OTOGL: variants seen among roughly 807,000 people sequenced by gnomAD.
OTOGL encodes otogelin like, also known as otogelin-like protein.
A neutral mutation model predicts 318.5 loss-of-function variants in OTOGL; 285 were observed. The observed-to-expected ratio is 0.89, with a 90% CI of 0.81 to 0.99. OTOGL has a LOEUF of 0.99. OTOGL is among the 50% of genes least tolerant of loss of function. The probability of loss-of-function intolerance (pLI) is 0.00; values close to 1 mark genes in which losing one functional copy is unlikely to be tolerated. For synonymous variants in OTOGL, 987 were observed against 936.5 expected (o/e 1.05, Z -0.99); for missense variants, 2,899 against 2,845.6 (o/e 1.02, Z -0.43).
intron 9 of OTOGL, among the ~76,000 whole-genome samples, 173 bp downstream of exon 9, chr12:80,233,270 T>C (rs889007113): frequency 2.6e-5 from 4 of 152,222 alleles, no homozygotes; most frequent in African/African-American, 9.6e-5. Flanking sequence ...GGTGTAATTC[T>C]TGAAAACCAT....
chr12:80,316,405 G>T (rs1453642187), intron 32 of OTOGL, among the ~76,000 whole-genome samples: 1 of 152,162 alleles, frequency 6.6e-6, no homozygotes, highest in African/African-American at 2.4e-5. Flanking sequence ...TGTGGACCCA[G>T]AAGCAGAATT....
chr12:80,252,297 C>T lies in OTOGL; in HGVS notation c.1285+96C>T, dbSNP rs1410004070. ...TTCGTTTTGCTGTCCTTTCCCAGTACATTGGACCTATTGCAATTTTCTGTT... is the reference window on the plus strand; with the variant it reads ...TTCGTTTTGCTGTCCTTTCCCAGTATATTGGACCTATTGCAATTTTCTGTT... On this transcript the variant is annotated intron_variant, in intron 13 of 58. Transcript: ENST00000547103. 8 of 1,278,388 alleles carry T rather than the reference C, an allele frequency of 6.3e-6. No individual in the cohort carries two copies. The Admixed American group carries it at 2.7e-4, about 43-fold the overall frequency. The allele number at this position is 1,278,388 out of a possible 1,614,324, so 79.2% of individuals were successfully genotyped here. A position where few individuals can be genotyped will look rare whatever the true frequency, so the allele number is the denominator to read the frequency against.
chr12:80,281,796 AG>A (rs1386480953), intron 26 of OTOGL, among the ~76,000 whole-genome samples: 1 of 151,886 alleles, frequency 6.6e-6, no homozygotes, highest in Non-Finnish European at 1.5e-5. Flanking sequence ...TAATTGTGAA[AG>A]AAGTTCTGAG....
At chr12:80,116,131 C>T (rs963863528) in intron 1 of OTOGL, among the ~76,000 whole-genome samples, 17 of 152,166 alleles carry the variant, frequency 1.1e-4, no homozygotes, top group African/African-American at 4.1e-4. Flanking sequence ...TCGGTATCTG[C>T]CCAAATGGCC....
intron 56 of OTOGL, among the ~76,000 whole-genome samples, chr12:80,371,476 C>G (rs909029586): frequency 6.6e-6 from 1 of 151,862 alleles, no homozygotes; most frequent in Admixed American, 6.6e-5. Context: ...ATATTTATAG[C>G]GTAAATCATT....
chr12:80,290,218 C>T (rs991994889), intron 26 of OTOGL, among the ~76,000 whole-genome samples: 5 of 152,102 alleles, frequency 3.3e-5, no homozygotes, highest in East Asian at 1.9e-4. Context: ...CCTTGGGCTG[C>T]ACCCACTCTC....
chr12:80,159,660 A>C (rs1873368248), intron 1 of OTOGL, among the ~76,000 whole-genome samples: 1 of 152,174 alleles, frequency 6.6e-6, no homozygotes, highest in Non-Finnish European at 1.5e-5. Flanking sequence ...AATATTGTGA[A>C]AATGACCGTA....
chr12:80,265,339 T>C (rs1882871133), intron 20 of OTOGL, 129 bp downstream of exon 20: 1 of 950,082 alleles, frequency 1.1e-6, no homozygotes, highest in Non-Finnish European at 1.5e-6. Flanking sequence ...ATTCTCATAA[T>C]GTACAAACAT....
chr12:80,237,194 A>G (rs1165728273), intron 9 of OTOGL, among the ~76,000 whole-genome samples: 1 of 152,144 alleles, frequency 6.6e-6, no homozygotes, highest in Non-Finnish European at 1.5e-5. Flanking sequence ...TATTTAGCAA[A>G]TATATTTTGA....
chr12:80,160,690 C>G (rs1873450078), intron 1 of OTOGL, among the ~76,000 whole-genome samples: 1 of 152,078 alleles, frequency 6.6e-6, no homozygotes, highest in Non-Finnish European at 1.5e-5. Context: ...CTTTCAAGAA[C>G]TAAAAGTAGA....
rs1159956153 is a variant in OTOGL at position 80,297,645 on chromosome 12, A to AT, written c.3063+689dup. Among the ~76,000 whole-genome samples the AT allele has an allele frequency of 6.6e-5, 10 of 152,136 alleles. No homozygotes were observed. The East Asian group carries it at 1.9e-3, about 29-fold the overall frequency. ...ACCGTGTCCAGCCTTGTATATGTAC[A>AT]TTTTTGATGGAAATCTAATATGTCA... On this transcript the variant is annotated intron_variant, in intron 27 of 58. Coordinates refer to ENST00000547103, the MANE Select transcript of OTOGL (RefSeq NM_001378609.3).
chr12:80,306,215 A>G (rs1886095281), intron 29 of OTOGL, among the ~76,000 whole-genome samples: 1 of 152,152 alleles, frequency 6.6e-6, no homozygotes, highest in South Asian at 2.1e-4. Context: ...ATTTTTGCAT[A>G]TTTCTCTTTC....
At chr12:80,252,465 T>C (rs2137503908) in intron 13 of OTOGL, among the ~76,000 whole-genome samples, 1 of 152,322 alleles carries the variant, frequency 6.6e-6, no homozygotes, top group Admixed American at 6.5e-5. Flanking sequence ...TCGATCAATA[T>C]TTAATGGTAT....
At position 80,358,361 on chromosome 12, in the gene OTOGL, TTAACTA is replaced by T; in HGVS notation, c.6121+14_6121+19del. ...TCAGTATTACTGTGGTAAGTGTATA[TTAACTA>T]TTCTAAAATATTTAGATGTGTCCAA... On this transcript the variant is annotated intron_variant, in intron 50 of 58. Transcript: ENST00000547103. 6.5e-7 allele frequency: 1 copy of T among 1,546,408 alleles called. No individual in the cohort carries two copies.
chr12:80,114,345 A>G (rs1870027778), intron 1 of OTOGL, among the ~76,000 whole-genome samples: 1 of 152,060 alleles, frequency 6.6e-6, no homozygotes, highest in African/African-American at 2.4e-5. Flanking sequence ...TTGTCTGTAA[A>G]GGATTTTATT....
At chr12:80,215,323 C>A (rs1410988037) in intron 4 of OTOGL, among the ~76,000 whole-genome samples, 1 of 151,850 alleles carries the variant, frequency 6.6e-6, no homozygotes, top group Non-Finnish European at 1.5e-5. Flanking sequence ...ATACCACAAA[C>A]CCTGGCTAAT....
Position 80,370,550 on chromosome 12 carries a change from A to G in OTOGL, c.6616-20A>G. On this transcript the variant is annotated intron_variant, in intron 55 of 58. Transcript: ENST00000547103. ...GCAGATTTTAATATGCTAAATAGTA[A>G]CTTTCTTTTTGATTTTTAGGTAGGG... is the stretch of plus-strand genomic sequence containing the variant. The G allele has an allele frequency of 6.8e-7, 1 of 1,479,796 alleles. No homozygotes were observed. The highest frequency in any genetic ancestry group is 9.0e-7 in the Non-Finnish European group (1 of 1,112,314). 91.7% of individuals were successfully genotyped at this position (1,479,796 alleles called of 1,614,324 possible). A position where few individuals can be genotyped will look rare whatever the true frequency, so the allele number is the denominator to read the frequency against.
At chr12:80,253,870 C>G (rs1196830056) in intron 14 of OTOGL, among the ~76,000 whole-genome samples, 1 of 151,998 alleles carries the variant, frequency 6.6e-6, no homozygotes, top group Non-Finnish European at 1.5e-5. Context: ...CTTGATGGTG[C>G]TTCTGGGCTT....
At chr12:80,200,872 G>T (rs1336293246) in intron 1 of OTOGL, among the ~76,000 whole-genome samples, 3 of 152,184 alleles carry the variant, frequency 2.0e-5, no homozygotes, top group African/African-American at 7.2e-5. Context: ...ATACTATGAT[G>T]AGAAAAATGG....
Sources: gnomAD v4.1 joint callset for allele counts (sites outside exome capture counted in the v4.1 genomes callset) on GRCh38, gnomAD v4.1.1 for gene constraint, MANE v1.5 for transcripts, NCBI Gene and HGNC (gene_info 2026-07-23, HGNC 2026-07-21) for gene names.